EPOR: variants seen among roughly 807,000 people sequenced by gnomAD.
EPOR encodes the protein erythropoietin receptor.
A neutral mutation model predicts 34.3 loss-of-function variants in EPOR; 20 were observed. The observed-to-expected ratio is 0.58, with a 90% CI of 0.41 to 0.85. The LOEUF (loss-of-function observed/expected upper bound fraction) is 0.85. EPOR is among the 40% of genes least tolerant of loss of function. The pLI is 0.00. For missense variants in EPOR, 601 were observed against 672.7 expected, an observed-to-expected ratio of 0.89 and a Z score of 1.18; for synonymous variants, 312 against 299.0, an observed-to-expected ratio of 1.04 and a Z score of -0.45.
chr19:11,383,200 G>T lies in EPOR; in HGVS notation c.148C>A (p.Leu50Ile). 1 of 1,607,626 alleles carries T rather than the reference G, an allele frequency of 6.2e-7. No individual in the cohort carries two copies. Residue 50 changes from leucine (L) to isoleucine (I), a missense_variant, in exon 2 of 8, where the codon CTT becomes ATT. Transcript: ENST00000222139. The surrounding 1 kb of genome is among the most constrained non-coding windows in gnomAD (Gnocchi z 4.9). ...TCCAACCGCTCGGTGAAGCACAGAAGCTCTTCGGGCCCCCGGGCCGCCAGC... is the reference window on the plus strand; with the variant it reads ...TCCAACCGCTCGGTGAAGCACAGAATCTCTTCGGGCCCCCGGGCCGCCAGC... ...ALLAARGPEE[L>I]LCFTERLEDL...
chr19:11,378,625 A>G lies in EPOR; in HGVS notation c.916-30T>C, dbSNP rs780511755. ...AGAAATAGCACCAACCTGCTCAGAG[A>G]GGCCTGCAGTTTGGCTGCAAGAAGC... On this transcript the variant is annotated intron_variant, in intron 7 of 7. Coordinates refer to ENST00000222139, the MANE Select transcript of EPOR (RefSeq NM_000121.4). The surrounding 1 kb of genome is among the most constrained non-coding windows in gnomAD (Gnocchi z 5.3). The G allele has an allele frequency of 1.9e-6, 3 of 1,614,146 alleles. No individual in the cohort carries two copies. The East Asian group carries it at 6.7e-5, about 36-fold the overall frequency.
chr19:11,382,161 C>A, intron 2 of EPOR, 56 bp from the exon 3 acceptor site: 1 of 1,483,996 alleles, frequency 6.7e-7, no homozygotes, highest in Non-Finnish European at 9.3e-7. Context: ...GTTGGCATTG[C>A]CCGGCCTGTG....
rs1968352260 is a variant in EPOR, at chr19:11,381,210, C to T, written c.586-1G>A. On this transcript the variant is annotated splice_acceptor_variant, in intron 4 of 7. Coordinates refer to ENST00000222139, the MANE Select transcript of EPOR (RefSeq NM_000121.4). LOFTEE classifies it high-confidence loss of function. The surrounding 1 kb of genome is among the most constrained non-coding windows in gnomAD (Gnocchi z 5.3). ...CGGTGCGGCCCTCCAGGATCTCCAC[C>T]TGGGGGCGGAATCAGGGCGAGGGAC... The T allele has an allele frequency of 9.7e-6, 15 of 1,549,242 alleles. No homozygotes were observed. Among genetic ancestry groups the T allele is most frequent in the Non-Finnish European group, 1.3e-5 (15 of 1,147,058 alleles).
Position 11,380,894 on chromosome 19 carries a change from A to G in EPOR, c.817T>C (p.Ser273Pro), listed in dbSNP as rs754113972. 1 of 1,551,326 alleles carries G rather than the reference A, an allele frequency of 6.4e-7. No homozygotes were observed. Among genetic ancestry groups the G allele is most frequent in the East Asian group, 2.4e-5 (1 of 40,926 alleles). ...AAATGGGGAGCTCACCGGCGGTGGGAGAGCAGCGCGAGCACGGTCAGCAGC... is the reference window on the plus strand; with the variant it reads ...AAATGGGGAGCTCACCGGCGGTGGGGGAGCAGCGCGAGCACGGTCAGCAGC... ...LVLLTVLALL[S>P]HRRALKQKIW... is the part of the protein sequence containing the mutation. Residue 273 changes from serine (S) to proline (P), a missense_variant, in exon 6 of 8, where the codon TCC becomes CCC. Coordinates refer to ENST00000222139, the MANE Select transcript of EPOR (RefSeq NM_000121.4).
rs779538586 is a variant in EPOR, at chr19:11,378,503, C to G, written c.1008G>C (p.Glu336Asp). The change falls in exon 8 of 8, where the codon GAG becomes GAC. Residue 336 changes from glutamate to aspartate, a missense_variant. Transcript: ENST00000222139. This position sits in a 1 kb window ranked among gnomAD's most constrained non-coding sequence, Gnocchi z 5.3. ...CTGCCTGCATCGTCCCCCAGCAGCG[C>G]TCTGAGAGGACTTCCAGGGAAGCAG... ...DPPASLEVLS[E>D]RCWGTMQAVE... 2.8e-5 allele frequency: 45 copies of G among 1,614,218 alleles called. No individual in the cohort carries two copies. The highest frequency in any genetic ancestry group is 3.8e-5 in the Non-Finnish European group (45 of 1,180,038).
rs956623246 is a variant in EPOR, at chr19:11,383,513, G to C, written c.116-281C>G. ...GCGCGGCGTTCAAGACCTCGAGCTCGGGACTGCCAGCCCCGCCCCAGCCTA... is the reference window on the plus strand; with the variant it reads ...GCGCGGCGTTCAAGACCTCGAGCTCCGGACTGCCAGCCCCGCCCCAGCCTA... On this transcript the variant is annotated intron_variant, in intron 1 of 7. Coordinates refer to ENST00000222139, the MANE Select transcript of EPOR (RefSeq NM_000121.4). This position sits in a 1 kb window ranked among gnomAD's most constrained non-coding sequence, Gnocchi z 4.9. 2 of 371,896 alleles carry C rather than the reference G, an allele frequency of 5.4e-6. No homozygotes were observed. Among genetic ancestry groups the C allele is most frequent in the Non-Finnish European group, 4.9e-6 (1 of 204,190 alleles). The allele number at this position is 371,896 out of a possible 1,614,324, so 23.0% of individuals were successfully genotyped here.
In EPOR at chr19:11,383,289, A is replaced by G. The variant is rs1968390551; in HGVS notation, c.116-57T>C. The G allele has an allele frequency of 2.0e-6, 3 of 1,488,128 alleles. No homozygotes were observed. The highest frequency in any genetic ancestry group is 1.9e-4 in the Middle Eastern group (1 of 5,172). The allele number at this position is 1,488,128 out of a possible 1,614,324, so 92.2% of individuals were successfully genotyped here. ...GGTCTGAGCTCTATCCTCGGGAGAC[A>G]GCCCCCTCCTCTTCCCTCCCGCAGC... On this transcript the variant is annotated intron_variant, in intron 1 of 7. Coordinates refer to ENST00000222139, the MANE Select transcript of EPOR (RefSeq NM_000121.4). This position sits in a 1 kb window ranked among gnomAD's most constrained non-coding sequence, Gnocchi z 4.9.
chr19:11,383,135 C>A lies in EPOR; in HGVS notation c.213G>T (p.Gly71=). The A allele has an allele frequency of 6.2e-7, 1 of 1,613,694 alleles. No homozygotes were observed. The change falls in exon 2 of 8, where the codon GGG becomes GGT. Residue 71 remains glycine, a synonymous_variant. Coordinates refer to ENST00000222139, the MANE Select transcript of EPOR (RefSeq NM_000121.4). This position sits in a 1 kb window ranked among gnomAD's most constrained non-coding sequence, Gnocchi z 4.9. ...AGAAGCTGTAGTTGCCCGGGCCCAC[C>A]CCAGCGCTCGCCGCTTCCTCCCAGA... is the stretch of plus-strand genomic sequence containing the variant. ...VCFWEEAASA[G]VGPGNYSFSY...
rs191481987 is a variant in EPOR, at chr19:11,377,707, A to T, written c.*277T>A. On this transcript the variant is annotated 3_prime_UTR_variant, in exon 8 of 8. Transcript: ENST00000222139. ...ACTTTAACTTCTATCCCTATGGCCT[A>T]TGCCCAGGGGAAGATGGGACTTAAA... 313 of 607,752 alleles carry T rather than the reference A, an allele frequency of 5.2e-4. No individual in the cohort carries two copies. In the African/African-American group the frequency reaches 5.3e-3, roughly 10 times the overall value. The allele number at this position is 607,752 out of a possible 1,614,324, so 37.6% of individuals were successfully genotyped here. A position where few individuals can be genotyped will look rare whatever the true frequency, so the allele number is the denominator to read the frequency against.
chr19:11,378,671 G>T lies in EPOR; in HGVS notation c.915+20C>A. The T allele has an allele frequency of 6.2e-7, 1 of 1,614,180 alleles. No individual in the cohort carries two copies. Among genetic ancestry groups the T allele is most frequent in the East Asian group, 2.2e-5 (1 of 44,890 alleles). On this transcript the variant is annotated intron_variant, in intron 7 of 7. Transcript: ENST00000222139. This position sits in a 1 kb window ranked among gnomAD's most constrained non-coding sequence, Gnocchi z 5.3. ...GAAGCAGGGAAGCCCAGGCACTGAG[G>T]GGACAACCAGGCCACCTACCTGGAA... is the stretch of plus-strand genomic sequence containing the variant.
chr19:11,381,111 G>A lies in EPOR; in HGVS notation c.684C>T (p.Ser228=), dbSNP rs1259093649. The change falls in exon 5 of 8, where the codon AGC becomes AGT. Residue 228 remains serine, a synonymous_variant. Transcript: ENST00000222139. The surrounding 1 kb of genome is among the most constrained non-coding windows in gnomAD (Gnocchi z 5.3). The part of the protein sequence containing the change: ...FAVRARMAEP[S]FGGFWSAWSE... ...ACCAGGCGCTCCAGAAGCCGCCGAA[G>A]CTCGGCTCAGCCATACGCGCGCGGA... 2 of 1,589,518 alleles carry A rather than the reference G, an allele frequency of 1.3e-6. No homozygotes were observed. Among genetic ancestry groups the A allele is most frequent in the East Asian group, 4.6e-5 (2 of 43,926 alleles).
Position 11,378,517 on chromosome 19 carries a change from C to G in EPOR, c.994G>C (p.Glu332Gln), listed in dbSNP as rs1968314573. 6.2e-7 allele frequency: 1 copy of G among 1,614,056 alleles called. No homozygotes were observed. The highest frequency in any genetic ancestry group is 1.1e-5 in the South Asian group (1 of 91,090). The change falls in exon 8 of 8, where the codon GAA becomes CAA. Residue 332 changes from glutamate (E) to glutamine (Q), a missense_variant. Physicochemically the swap from Glu to Gln is conservative, Grantham distance 29. Transcript: ENST00000222139. This position sits in a 1 kb window ranked among gnomAD's most constrained non-coding sequence, Gnocchi z 5.3. ...CCCCAGCAGCGCTCTGAGAGGACTT[C>G]CAGGGAAGCAGGTGGGTCCTCCGTG... ...PFTEDPPASL[E>Q]VLSERCWGTM...
Position 11,381,619 on chromosome 19 carries a change from C to T in EPOR, c.585+73G>A, listed in dbSNP as rs1054916047. On this transcript the variant is annotated intron_variant, in intron 4 of 7. Coordinates refer to ENST00000222139, the MANE Select transcript of EPOR (RefSeq NM_000121.4). The surrounding 1 kb of genome is among the most constrained non-coding windows in gnomAD (Gnocchi z 5.3). ...GACCGGCCCTGAAAGCGGCACCGGG[C>T]GCGACCTCGAGAGGCGTGGCTGGGC... 6.7e-7 allele frequency: 1 copy of T among 1,496,346 alleles called. No individual in the cohort carries two copies. The highest frequency in any genetic ancestry group is 9.0e-7 in the Non-Finnish European group (1 of 1,105,746). 92.7% of individuals were successfully genotyped at this position (1,496,346 alleles called of 1,614,324 possible).
chr19:11,383,174 C>G lies in EPOR; in HGVS notation c.174G>C (p.Glu58Asp). ...CTTCCTCCCAGAAACACACCAAGTC[C>G]TCCAACCGCTCGGTGAAGCACAGAA... ...EELLCFTERLEDLVCFWEEAA... is the reference protein window; with the variant it reads ...EELLCFTERLDDLVCFWEEAA... The change falls in exon 2 of 8, where the codon GAG (glutamate) becomes GAC (aspartate). Residue 58 changes from glutamate (E) to aspartate (D), a missense_variant. Transcript: ENST00000222139. The surrounding 1 kb of genome is among the most constrained non-coding windows in gnomAD (Gnocchi z 4.9). 6.2e-7 allele frequency: 1 copy of G among 1,612,796 alleles called. No individual in the cohort carries two copies. Among genetic ancestry groups the G allele is most frequent in the Non-Finnish European group, 8.5e-7 (1 of 1,179,904 alleles).
rs958665391 is a variant in EPOR at position 11,382,962 on chromosome 19, G to C, written c.251+135C>G. 3 of 1,573,338 alleles carry C rather than the reference G, an allele frequency of 1.9e-6. No individual in the cohort carries two copies. In the Admixed American group the frequency reaches 5.5e-5, roughly 29 times the overall value. On this transcript the variant is annotated intron_variant, in intron 2 of 7. Coordinates refer to ENST00000222139, the MANE Select transcript of EPOR (RefSeq NM_000121.4). ...GGGCGTGCCAGCCCTGGACCCGCAG[G>C]TTTCCCTCCAGTGACCACGACTGGA...
At chr19:11,380,863 G>A (rs953248630) in intron 6 of EPOR, 21 bp downstream of exon 6, 1 of 1,542,946 alleles carries the variant, frequency 6.5e-7, no homozygotes. Context: ...TCTGGGCCCA[G>A]CGCCCAAATG....
Position 11,383,485 on chromosome 19 carries a change from T to A in EPOR, c.116-253A>T, listed in dbSNP as rs1968393577. On this transcript the variant is annotated intron_variant, in intron 1 of 7. Transcript: ENST00000222139. The surrounding 1 kb of genome is among the most constrained non-coding windows in gnomAD (Gnocchi z 4.9). ...CTGCCCACCCAGCGGCCAGCTGAGCTGGGCGCGGCGTTCAAGACCTCGAGC... is the reference window on the plus strand; with the variant it reads ...CTGCCCACCCAGCGGCCAGCTGAGCAGGGCGCGGCGTTCAAGACCTCGAGC... 4 of 436,092 alleles carry A rather than the reference T, an allele frequency of 9.2e-6. No individual in the cohort carries two copies. Among genetic ancestry groups the A allele is most frequent in the Non-Finnish European group, 1.6e-5 (4 of 244,262 alleles). The allele number at this position is 436,092 out of a possible 1,614,324, so 27.0% of individuals were successfully genotyped here.
rs1968359830 is a variant in EPOR, at chr19:11,381,616, G to C, written c.585+76C>G. On this transcript the variant is annotated intron_variant, in intron 4 of 7. Coordinates refer to ENST00000222139, the MANE Select transcript of EPOR (RefSeq NM_000121.4). This position sits in a 1 kb window ranked among gnomAD's most constrained non-coding sequence, Gnocchi z 5.3. ...ACGGACCGGCCCTGAAAGCGGCACC[G>C]GGCGCGACCTCGAGAGGCGTGGCTG... The C allele has an allele frequency of 1.3e-6, 2 of 1,487,666 alleles. No homozygotes were observed. Among genetic ancestry groups the C allele is most frequent in the Admixed American group, 2.0e-5 (1 of 49,826 alleles). 92.2% of individuals were successfully genotyped at this position (1,487,666 alleles called of 1,614,324 possible). A position where few individuals can be genotyped will look rare whatever the true frequency, so the allele number is the denominator to read the frequency against.
chr19:11,382,907 C>G, intron 2 of EPOR, 190 bp downstream of exon 2: 1 of 1,531,494 alleles, frequency 6.5e-7, no homozygotes, highest in Non-Finnish European at 8.7e-7. Flanking sequence ...CAGCGGTGAT[C>G]GCGGGAGTGT....
Sources: gnomAD v4.1 joint callset for allele counts on GRCh38, gnomAD v4.1.1 for gene constraint, Gnocchi (gnomAD v3.1) non-coding constraint, MANE v1.5 for transcripts, NCBI Gene and HGNC (gene_info 2026-07-23, HGNC 2026-07-21) for gene names.